Variants in TUSC3 observed in about 807,000 individuals in gnomAD.
TUSC3 encodes the protein dolichyl-diphosphooligosaccharide--protein glycosyltransferase subunit TUSC3.
In TUSC3, 45 loss-of-function variants were observed where a neutral mutation model predicts 44.8. That is an observed-to-expected ratio of 1.00 (90% CI 0.79 to 1.29). The LOEUF (loss-of-function observed/expected upper bound fraction) is 1.29. Ranked by LOEUF, TUSC3 falls within the 50% of genes most tolerant of loss-of-function variation. The probability of loss-of-function intolerance (pLI) is 0.00; values close to 1 mark genes in which losing one functional copy is unlikely to be tolerated. For missense variants in TUSC3, 519 were observed against 437.9 expected (o/e 1.19, Z -1.65); for synonymous variants, 212 against 152.9 (o/e 1.39, Z -2.85).
chr8:15,608,203 C>T (rs907201580), intron 1 of TUSC3, among the ~76,000 whole-genome samples: 4 of 152,058 alleles, frequency 2.6e-5, no homozygotes, highest in African/African-American at 9.7e-5. Context: ...CTTCTCTTTT[C>T]CTGAGTTCCT....
At chr8:15,448,303 G>C (rs965786514) in intron 1 of TUSC3, among the ~76,000 whole-genome samples, 7 of 151,490 alleles carry the variant, frequency 4.6e-5, no homozygotes, top group Admixed American at 4.0e-4. Context: ...ATTTTTAGTA[G>C]AGATGAGGTT....
chr8:15,445,365 A>G (rs1328212389), intron 1 of TUSC3, among the ~76,000 whole-genome samples: 4 of 149,896 alleles, frequency 2.7e-5, no homozygotes, highest in South Asian at 2.1e-4. Flanking sequence ...TTTCTCAGAG[A>G]GGGGGATTTG....
chr8:15,731,153 A>G (rs551405317), intron 7 of TUSC3, among the ~76,000 whole-genome samples: 99 of 152,278 alleles, frequency 6.5e-4, no homozygotes, highest in African/African-American at 2.4e-3. Flanking sequence ...GAGTGGTTCA[A>G]CATGCCTTTT....
At chr8:15,724,038 A>C (rs1263290114) in intron 6 of TUSC3, among the ~76,000 whole-genome samples, 1 of 152,122 alleles carries the variant, frequency 6.6e-6, no homozygotes, top group Non-Finnish European at 1.5e-5. Context: ...TTAACTGTAA[A>C]TAAGCTCATG....
At chr8:15,698,647 A>G (rs1025126982) in intron 6 of TUSC3, among the ~76,000 whole-genome samples, 2 of 152,188 alleles carry the variant, frequency 1.3e-5, no homozygotes, top group African/African-American at 4.8e-5. Context: ...AGAGTATCTG[A>G]CAATATTAGA....
the TUSC3 span, among the ~76,000 whole-genome samples, chr8:15,802,875 C>A: frequency 3.3e-5 from 5 of 151,876 alleles, no homozygotes; most frequent in South Asian, 2.1e-4. Flanking sequence ...ACTCGGTGGT[C>A]ATTCCAGCAG....
intron 10 of TUSC3, 84 bp from the exon 11 acceptor site, chr8:15,764,119 T>A: frequency 7.7e-7 from 1 of 1,298,298 alleles, no homozygotes; most frequent in Non-Finnish European, 1.1e-6. Context: ...TATTTACATG[T>A]GCTAATTTAG....
chr8:15,541,745 A>G (rs1563280245), intron 1 of TUSC3, among the ~76,000 whole-genome samples: 1 of 152,020 alleles, frequency 6.6e-6, no homozygotes, highest in Non-Finnish European at 1.5e-5. Context: ...ATATAAATTA[A>G]TGATTTTTTT....
intron 2 of TUSC3, among the ~76,000 whole-genome samples, chr8:15,642,557 TA>T (rs1806421158): frequency 2.6e-5 from 4 of 152,268 alleles, no homozygotes; most frequent in African/African-American, 9.6e-5. Flanking sequence ...TTCATTACAA[TA>T]AAGGTCTTTA....
the TUSC3 span, among the ~76,000 whole-genome samples, chr8:15,848,898 A>C: frequency 6.6e-6 from 1 of 152,212 alleles, no homozygotes; most frequent in East Asian, 1.9e-4. Context: ...CTAGTGCTTA[A>C]TCGCATAAAC....
chr8:15,514,380 T>A (rs567772462), intron 2 of TUSC3, among the ~76,000 whole-genome samples: 1 of 152,298 alleles, frequency 6.6e-6, no homozygotes, highest in Middle Eastern at 3.4e-3. Flanking sequence ...GCAAGAAAAT[T>A]AATAGGGATA....
rs117979336 is a variant in TUSC3 at position 15,689,757 on chromosome 8, A to C, written c.798+15921A>C. On this transcript the variant is annotated intron_variant, in intron 6 of 10. Transcript: ENST00000503731. ...AGTTTGCTTAGGATAATGGCATCCA[A>C]CTCCATTCATGTTTCTGCAAAGCAC... 3.5e-3 allele frequency among the ~76,000 whole-genome samples: 515 copies of C among 147,918 alleles called. 9 individuals are homozygous for C. In the East Asian group the frequency reaches 0.036, roughly 10 times the overall value.
intron 7 of TUSC3, among the ~76,000 whole-genome samples, chr8:15,742,925 G>C (rs1412552787): frequency 6.6e-6 from 1 of 152,170 alleles, no homozygotes; most frequent in Admixed American, 6.5e-5. Flanking sequence ...TTGCAAGCAG[G>C]TGTTAAAAAC....
chr8:15,459,010 G>T (rs773594733), intron 1 of TUSC3, among the ~76,000 whole-genome samples: 2 of 152,152 alleles, frequency 1.3e-5, no homozygotes, highest in African/African-American at 2.4e-5. Context: ...TTAAAGACCT[G>T]TTGAGATAGT....
chr8:15,466,636 G>C (rs919587268), intron 1 of TUSC3, among the ~76,000 whole-genome samples: 1 of 152,146 alleles, frequency 6.6e-6, no homozygotes, highest in Non-Finnish European at 1.5e-5. Context: ...ATCCAACTTA[G>C]AGAATGTCTC....
At chr8:15,423,033 C>T (rs4454303) in intron 1 of TUSC3, among the ~76,000 whole-genome samples, 3 of 152,216 alleles carry the variant, frequency 2.0e-5, no homozygotes, top group African/African-American at 7.2e-5. Flanking sequence ...ATTTTTATTT[C>T]TTGACTTAGT....
intron 1 of TUSC3, among the ~76,000 whole-genome samples, chr8:15,439,584 A>G (rs1799994744): frequency 6.6e-6 from 1 of 152,304 alleles, no homozygotes; most frequent in South Asian, 2.1e-4. Flanking sequence ...AAAAACAGAA[A>G]AACATGAAAG....
intron 5 of TUSC3, among the ~76,000 whole-genome samples, chr8:15,666,231 C>T (rs943108502): frequency 4.6e-5 from 7 of 151,284 alleles, no homozygotes; most frequent in African/African-American, 1.5e-4. Context: ...GTAGGATAAG[C>T]AATAACATTC....
At chr8:15,814,229 G>C in the TUSC3 span, among the ~76,000 whole-genome samples, 1 of 152,142 alleles carries the variant, frequency 6.6e-6, no homozygotes, top group Non-Finnish European at 1.5e-5. Context: ...TTCTGTGATT[G>C]AGTGTATGTG....
Sources: gnomAD v4.1 joint callset for allele counts (sites outside exome capture counted in the v4.1 genomes callset) on GRCh38, gnomAD v4.1.1 for gene constraint, MANE v1.5 for transcripts, NCBI Gene and HGNC (gene_info 2026-07-23, HGNC 2026-07-21) for gene names.